The following WDR17 variants were observed in gnomAD, a reference collection of about 807,000 sequenced individuals.
WDR17 encodes the protein WD repeat domain 17, also known as WD repeat-containing protein 17.
WDR17 carries 143 observed loss-of-function variants against 161.7 expected under a neutral mutation model. The ratio of observed to expected loss-of-function variants is 0.88; its 90% CI spans 0.77 to 1.02. The LOEUF (loss-of-function observed/expected upper bound fraction) is 1.02. Among genes scored for constraint, WDR17 ranks in the 50% least tolerant of loss-of-function variants. WDR17 has a pLI of 0.00. For missense variants in WDR17, 1,469 were observed against 1,520.9 expected (o/e 0.97, Z 0.57); for synonymous variants, 517 against 515.6 (o/e 1.00, Z -0.04).
At chr4:176,067,242 A>T (rs954102844) in intron 1 of WDR17, among the ~76,000 whole-genome samples, 8 of 152,218 alleles carry the variant, frequency 5.3e-5, no homozygotes, top group African/African-American at 1.9e-4. Context: ...CCCTCCTATC[A>T]TCTAAAATTA....
intron 1 of WDR17, among the ~76,000 whole-genome samples, chr4:176,110,578 GT>G: frequency 6.6e-6 from 1 of 152,048 alleles, no homozygotes; most frequent in Non-Finnish European, 1.5e-5. Flanking sequence ...GCACAAATGT[GT>G]TTTTTAAGTA....
At chr4:176,126,498 A>G (rs1742464236) in intron 5 of WDR17, among the ~76,000 whole-genome samples, 1 of 152,216 alleles carries the variant, frequency 6.6e-6, no homozygotes, top group Non-Finnish European at 1.5e-5. Context: ...CATAATAGTG[A>G]CGCCACCCTG....
intron 3 of WDR17, among the ~76,000 whole-genome samples, chr4:176,118,603 T>A (rs914899100): frequency 1.1e-4 from 17 of 152,170 alleles, no homozygotes; most frequent in Admixed American, 5.2e-4. Flanking sequence ...GTGTCTTTGT[T>A]CATATCATTT....
intron 11 of WDR17, among the ~76,000 whole-genome samples, chr4:176,142,939 G>T (rs1416004814): frequency 6.6e-6 from 1 of 152,164 alleles, no homozygotes; most frequent in Admixed American, 6.5e-5. Flanking sequence ...GAGTGCAATG[G>T]CATGATCTCG....
chr4:176,122,300 C>T (rs1741725002), intron 4 of WDR17, among the ~76,000 whole-genome samples: 2 of 152,188 alleles, frequency 1.3e-5, no homozygotes. Context: ...CTAAGGGCCT[C>T]ATCTTAGTTT....
In WDR17 at chr4:176,174,688, G is replaced by A; in HGVS notation, c.3419G>A (p.Ser1140Asn). The change falls in exon 26 of 29, where the codon AGC (serine) becomes AAC (asparagine). Residue 1140 changes from serine to asparagine, a missense_variant. By Grantham distance (46) the Ser-to-Asn change is conservative. Transcript: ENST00000508596. ...CTGGCTATCAGAAGACAGTACCAAAGCATTGTTCCAGCACTTTATGAGTAC... is the reference window on the plus strand; with the variant it reads ...CTGGCTATCAGAAGACAGTACCAAAACATTGTTCCAGCACTTTATGAGTAC... The part of the protein sequence containing the change: ...ALLAIRRQYQ[S>N]IVPALYEYTS... The A allele has an allele frequency of 6.2e-7, 1 of 1,611,740 alleles. No homozygotes were observed. The highest frequency in any genetic ancestry group is 1.1e-5 in the South Asian group (1 of 90,784).
At chr4:176,161,852 T>G (rs915687829) in intron 20 of WDR17, among the ~76,000 whole-genome samples, 5 of 152,222 alleles carry the variant, frequency 3.3e-5, no homozygotes, top group Admixed American at 2.6e-4. Context: ...AAATCAGGCT[T>G]CTTTTCTGAC....
At chr4:176,166,848 T>C (rs966159858) in intron 22 of WDR17, among the ~76,000 whole-genome samples, 1 of 152,146 alleles carries the variant, frequency 6.6e-6, no homozygotes, top group Non-Finnish European at 1.5e-5. Context: ...TGGAAAGATA[T>C]TATGTGTAAT....
chr4:176,087,874 ATC>A (rs1735617996), intron 1 of WDR17, among the ~76,000 whole-genome samples: 1 of 151,718 alleles, frequency 6.6e-6, no homozygotes, highest in Non-Finnish European at 1.5e-5. Context: ...TTGAGCCAGA[ATC>A]TGTGTCACCC....
At chr4:176,084,289 G>A (rs897808842) in intron 1 of WDR17, among the ~76,000 whole-genome samples, 1 of 152,122 alleles carries the variant, frequency 6.6e-6, no homozygotes, top group Non-Finnish European at 1.5e-5. Flanking sequence ...ATGGTAGAAG[G>A]TGAAGGGGAA....
chr4:176,098,568 A>T (rs1737269679), intron 1 of WDR17, among the ~76,000 whole-genome samples: 1 of 151,918 alleles, frequency 6.6e-6, no homozygotes, highest in Non-Finnish European at 1.5e-5. Context: ...ATTCATGCTG[A>T]CTACAAAGAT....
intron 1 of WDR17, among the ~76,000 whole-genome samples, chr4:176,069,090 T>G (rs953617961): frequency 6.6e-6 from 1 of 152,106 alleles, no homozygotes; most frequent in East Asian, 1.9e-4. Flanking sequence ...GAGTTCAGGT[T>G]GTTTTCATCT....
chr4:176,073,335 A>G (rs1733495102), intron 1 of WDR17, among the ~76,000 whole-genome samples: 1 of 151,954 alleles, frequency 6.6e-6, no homozygotes, highest in South Asian at 2.1e-4. Flanking sequence ...ATTCCCACCT[A>G]TGAGTGAGAA....
intron 26 of WDR17, among the ~76,000 whole-genome samples, chr4:176,176,124 T>C (rs887260214): frequency 6.6e-6 from 1 of 152,172 alleles, no homozygotes; most frequent in African/African-American, 2.4e-5. Context: ...TGTAAAATAA[T>C]GTTTAATATG....
intron 17 of WDR17, among the ~76,000 whole-genome samples, chr4:176,154,930 C>G (rs570252329): frequency 3.3e-5 from 5 of 152,100 alleles, no homozygotes; most frequent in African/African-American, 1.2e-4. Context: ...TAACAATCAG[C>G]CTTTATTAAA....
chr4:176,155,556 T>G (rs28690940), intron 17 of WDR17, among the ~76,000 whole-genome samples: 3 of 132,546 alleles, frequency 2.3e-5, no homozygotes, highest in Admixed American at 7.2e-5. Context: ...TTTTTTTTTT[T>G]TTTTTGGAGA....
Position 176,075,153 on chromosome 4 carries a change from TA to T in WDR17, c.-7+9075del, listed in dbSNP as rs1733802797. Among the ~76,000 whole-genome samples, 6 of 151,598 alleles carry T rather than the reference TA, an allele frequency of 4.0e-5. No homozygotes were observed. The South Asian group carries it at 1.0e-3, about 26-fold the overall frequency. ...TTAAGATGTTTTATGTATATGTTAA[TA>T]TTTTTTCCAGTTTTTTTCTTTCAAT... On this transcript the variant is annotated intron_variant, in intron 1 of 28. Coordinates refer to ENST00000508596, the MANE Select transcript of WDR17 (RefSeq NM_181265.4).
chr4:176,074,092 G>A (rs995974483), intron 1 of WDR17, among the ~76,000 whole-genome samples: 24 of 151,928 alleles, frequency 1.6e-4, no homozygotes, highest in Non-Finnish European at 2.9e-4. Flanking sequence ...CTGTGCAGAA[G>A]CTCTTGAGTT....
At chr4:176,108,219 C>G (rs1355625653) in intron 1 of WDR17, among the ~76,000 whole-genome samples, 4 of 151,936 alleles carry the variant, frequency 2.6e-5, no homozygotes, top group South Asian at 2.1e-4. Flanking sequence ...GTGTATTTTA[C>G]CACGATAAGA....
Sources: gnomAD v4.1 joint callset for allele counts (sites outside exome capture counted in the v4.1 genomes callset) on GRCh38, gnomAD v4.1.1 for gene constraint, MANE v1.5 for transcripts, NCBI Gene and HGNC (gene_info 2026-07-23, HGNC 2026-07-21) for gene names.